The following ADAM17 variants were observed in gnomAD, a reference collection of about 807,000 sequenced individuals.
ADAM17 encodes disintegrin and metalloproteinase domain-containing protein 17.
ADAM17 carries 39 observed loss-of-function variants against 96.7 expected under a neutral mutation model. The observed-to-expected ratio is 0.40, with a 90% CI of 0.31 to 0.53. ADAM17 has a LOEUF of 0.53. Among genes scored for constraint, ADAM17 ranks in the 20% least tolerant of loss-of-function variants. ADAM17 has a pLI of 0.44. For synonymous variants in ADAM17, 344 were observed against 359.2 expected (o/e 0.96, Z 0.48); for missense variants, 777 against 1,013.2 (o/e 0.77, Z 3.17).
chr2:9,541,314 T>A (rs1665196552), intron 2 of ADAM17, among the ~76,000 whole-genome samples: 1 of 152,048 alleles, frequency 6.6e-6, no homozygotes, highest in Non-Finnish European at 1.5e-5. Flanking sequence ...TGTAATCCCA[T>A]CACATTGGGA....
chr2:9,525,394 T>A (rs189056493), intron 6 of ADAM17, among the ~76,000 whole-genome samples: 1 of 151,754 alleles, frequency 6.6e-6, no homozygotes, highest in African/African-American at 2.4e-5. Flanking sequence ...AGCAAGGCAA[T>A]GAGAAAGACA....
chr2:9,496,018 A>G (rs1477707194), intron 14 of ADAM17, among the ~76,000 whole-genome samples: 3 of 151,886 alleles, frequency 2.0e-5, no homozygotes, highest in Non-Finnish European at 2.9e-5. Flanking sequence ...TTACCTACAC[A>G]TTATTGAACT....
At position 9,489,014 on chromosome 2, in the gene ADAM17, TAAG is replaced by T. The variant is rs1332437824; in HGVS notation, c.*1160_*1162del. 1.3e-5 allele frequency: 2 copies of T among 152,168 alleles called. No individual in the cohort carries two copies. The highest frequency in any genetic ancestry group is 1.9e-4 in the East Asian group (1 of 5,194). The allele number at this position is 152,168 out of a possible 1,614,324, so 9.4% of individuals were successfully genotyped here. ...CATCCAGAATCCTGGAGCAATAAAG[TAAG>T]AAGTAATTCAAATATCTGCTTGTGG... On this transcript the variant is annotated 3_prime_UTR_variant, in exon 19 of 19. Transcript: ENST00000310823.
intron 12 of ADAM17, among the ~76,000 whole-genome samples, chr2:9,502,897 A>C (rs1663100068): frequency 6.7e-6 from 1 of 148,422 alleles, no homozygotes; most frequent in African/African-American, 2.5e-5. Context: ...AAAAAAAAAA[A>C]AAAAAAGATG....
chr2:9,509,410 C>T (rs1265329899), intron 11 of ADAM17, among the ~76,000 whole-genome samples: 2 of 152,086 alleles, frequency 1.3e-5, no homozygotes, highest in African/African-American at 4.8e-5. Flanking sequence ...TATCAGAAAC[C>T]CCCAATAGTA....
At chr2:9,505,110 AT>A (rs1172593635) in intron 12 of ADAM17, 55 bp downstream of exon 12, 1 of 1,577,296 alleles carries the variant, frequency 6.3e-7, no homozygotes, top group African/African-American at 1.4e-5. Context: ...GTCTTCTCTT[AT>A]TTTGGACATC....
chr2:9,548,784 C>T (rs755044933), intron 1 of ADAM17, among the ~76,000 whole-genome samples: 5 of 152,190 alleles, frequency 3.3e-5, no homozygotes, highest in Non-Finnish European at 5.9e-5. Context: ...CTGACATCAG[C>T]GGTAAAAAGT....
intron 12 of ADAM17, among the ~76,000 whole-genome samples, chr2:9,503,853 G>GA (rs1348982301): frequency 4.0e-5 from 5 of 124,162 alleles, no homozygotes; most frequent in African/African-American, 1.7e-4. Context: ...AAAAAAAAAA[G>GA]AAATAAAAGA....
intron 1 of ADAM17, among the ~76,000 whole-genome samples, chr2:9,554,924 G>C (rs1196776493): frequency 1.3e-5 from 2 of 151,986 alleles, no homozygotes. Context: ...CATCTCCCAA[G>C]CACCTCCAAT....
At chr2:9,513,561 G>A (rs780654289) in intron 10 of ADAM17, among the ~76,000 whole-genome samples, 1 of 151,948 alleles carries the variant, frequency 6.6e-6, no homozygotes, top group African/African-American at 2.4e-5. Flanking sequence ...TGAATTGGAG[G>A]ACACCTAGCT....
chr2:9,492,998 T>C lies in ADAM17; in HGVS notation c.1994-12A>G. On this transcript the variant is annotated splice_polypyrimidine_tract_variant and intron_variant, in intron 16 of 18. Transcript: ENST00000310823. Reference sequence around the variant, plus strand: ...TGCTAAAAACTTTCCTGTGAACAATTCCAAACAGTTAATGTCTTGACCAAG... The same window carrying C: ...TGCTAAAAACTTTCCTGTGAACAATCCCAAACAGTTAATGTCTTGACCAAG... The C allele has an allele frequency of 6.2e-7, 1 of 1,601,514 alleles. No individual in the cohort carries two copies. The highest frequency in any genetic ancestry group is 8.5e-7 in the Non-Finnish European group (1 of 1,172,286).
intron 17 of ADAM17, among the ~76,000 whole-genome samples, chr2:9,491,805 A>G (rs1303501582): frequency 6.6e-6 from 1 of 152,256 alleles, no homozygotes; most frequent in African/African-American, 2.4e-5. Flanking sequence ...TTCTATGACC[A>G]AAAACAAGCC....
At position 9,527,858 on chromosome 2, in the gene ADAM17, C is replaced by T; in HGVS notation, c.547G>A (p.Val183Met). 6.2e-7 allele frequency: 1 copy of T among 1,606,806 alleles called. No individual in the cohort carries two copies. Among genetic ancestry groups the T allele is most frequent in the Non-Finnish European group, 8.5e-7 (1 of 1,176,684 alleles). The change falls in exon 5 of 19, where the codon GTG becomes ATG. Residue 183 changes from valine to methionine, a missense_variant. By Grantham distance (21) the Val-to-Met change is conservative. Transcript: ENST00000310823. ...TTATCCACTTTTAAATAACCACACACTTTTGGAGACTGCAAACGTGAAACA... is the reference window on the plus strand; with the variant it reads ...TTATCCACTTTTAAATAACCACACATTTTTGGAGACTGCAAACGTGAAACA... ...KNVSRLQSPK[V>M]CGYLKVDNEE... is the part of the protein sequence containing the mutation.
At chr2:9,542,546 T>C (rs940392254) in intron 2 of ADAM17, among the ~76,000 whole-genome samples, 1 of 152,214 alleles carries the variant, frequency 6.6e-6, no homozygotes, top group African/African-American at 2.4e-5. Flanking sequence ...ACATGATTGA[T>C]GGTTATAAAG....
intron 4 of ADAM17, among the ~76,000 whole-genome samples, chr2:9,531,853 T>C (rs1664753742): frequency 6.6e-6 from 1 of 152,048 alleles, no homozygotes; most frequent in Non-Finnish European, 1.5e-5. Flanking sequence ...ATCCCAGCAC[T>C]TTGGGAGGCC....
chr2:9,502,467 C>A (rs1013404001), intron 12 of ADAM17, among the ~76,000 whole-genome samples, 191 bp from the exon 13 acceptor site: 30 of 152,138 alleles, frequency 2.0e-4, no homozygotes, highest in African/African-American at 7.2e-4. Flanking sequence ...TCCTAATGTG[C>A]GTGAGGTCAC....
chr2:9,492,768 C>CA (rs554850540), intron 17 of ADAM17, 130 bp downstream of exon 17: 2 of 678,080 alleles, frequency 2.9e-6, no homozygotes, highest in Non-Finnish European at 4.7e-6. Context: ...GGAATAACAA[C>CA]AAAAAAAGCT....
chr2:9,522,558 T>G (rs879177019), intron 7 of ADAM17: 5 of 470,280 alleles, frequency 1.1e-5, no homozygotes, highest in African/African-American at 3.9e-5. Context: ...TTTTAAAAAT[T>G]TTTTCAACCT....
chr2:9,497,282 G>A (rs1662685599), intron 13 of ADAM17, 34 bp from the exon 14 acceptor site: 1 of 1,612,262 alleles, frequency 6.2e-7, no homozygotes, highest in African/African-American at 1.3e-5. Flanking sequence ...CAAAAAGAAT[G>A]AGTCACAGGT....
Sources: allele counts gnomAD v4.1 joint callset (sites outside exome capture counted in the v4.1 genomes callset), GRCh38; gene constraint gnomAD v4.1.1; transcripts MANE v1.5; gene names NCBI Gene and HGNC (gene_info 2026-07-23, HGNC 2026-07-21).